The following UBE2M variants were observed in gnomAD, a reference collection of about 807,000 sequenced individuals.
UBE2M encodes the protein NEDD8-conjugating enzyme Ubc12.
Under a neutral mutation model 23.5 loss-of-function variants are expected in UBE2M, and 2 were observed. The ratio of observed to expected loss-of-function variants is 0.09; its 90% CI spans 0.03 to 0.27. The LOEUF (loss-of-function observed/expected upper bound fraction) is 0.27, where lower values mean the gene tolerates loss of function less well. UBE2M is among the 10% of genes least tolerant of loss of function. The pLI, the probability that UBE2M is intolerant of heterozygous loss-of-function variation, is 1.00. For missense variants in UBE2M, 103 were observed against 232.9 expected, an observed-to-expected ratio of 0.44 and a Z score of 3.63; for synonymous variants, 97 against 95.2, an observed-to-expected ratio of 1.02 and a Z score of -0.11.
In UBE2M at chr19:58,558,096, C is replaced by T. The variant is rs1279118120; in HGVS notation, c.109+177G>A. On this transcript the variant is annotated intron_variant, in intron 1 of 5. Coordinates refer to ENST00000253023, the MANE Select transcript of UBE2M (RefSeq NM_003969.4). This position sits in a 1 kb window ranked among gnomAD's most constrained non-coding sequence, Gnocchi z 4.7. Reference sequence around the variant, plus strand: ...CATACCGGGCCCCTATCTCTGACCCCCTCCCCGTGACTGCATGATCCCAAC... The same window carrying T: ...CATACCGGGCCCCTATCTCTGACCCTCTCCCCGTGACTGCATGATCCCAAC... Among the ~76,000 whole-genome samples the T allele has an allele frequency of 6.6e-6, 1 of 151,686 alleles. No individual in the cohort carries two copies. Among genetic ancestry groups the T allele is most frequent in the African/African-American group, 2.4e-5 (1 of 41,226 alleles).
chr19:58,557,926 C>G (rs541479921), intron 1 of UBE2M, among the ~76,000 whole-genome samples: 22 of 152,100 alleles, frequency 1.4e-4, no homozygotes, highest in Admixed American at 1.4e-3. Context: ...TACTATCCCT[C>G]TCTTCTCCGC....
Position 58,556,632 on chromosome 19 carries a change from G to A in UBE2M, c.347+55C>T. 1 of 1,441,856 alleles carries A rather than the reference G, an allele frequency of 6.9e-7. No individual in the cohort carries two copies. The highest frequency in any genetic ancestry group is 9.4e-7 in the Non-Finnish European group (1 of 1,068,214). The allele number at this position is 1,441,856 out of a possible 1,614,324, so 89.3% of individuals were successfully genotyped here. ...TCTGATGTAGTGCCCACAAGACCAT[G>A]AGGGAGGCCTGGCAGGCAGCGCTGA... is the stretch of plus-strand genomic sequence containing the variant. On this transcript the variant is annotated intron_variant, in intron 4 of 5. Coordinates refer to ENST00000253023, the MANE Select transcript of UBE2M (RefSeq NM_003969.4). The surrounding 1 kb of genome is among the most constrained non-coding windows in gnomAD (Gnocchi z 4.9).
chr19:58,556,479 G>A lies in UBE2M; in HGVS notation c.348-100C>T. ...TCAGATCCAGGGCATAGGAGAGTGA[G>A]CATGTGAGAGGCTGGGAGGGAGGGT... is the stretch of plus-strand genomic sequence containing the variant. On this transcript the variant is annotated intron_variant, in intron 4 of 5. Transcript: ENST00000253023. The surrounding 1 kb of genome is among the most constrained non-coding windows in gnomAD (Gnocchi z 4.9). 2.3e-6 allele frequency: 3 copies of A among 1,322,600 alleles called. No individual in the cohort carries two copies. Among genetic ancestry groups the A allele is most frequent in the Non-Finnish European group, 3.2e-6 (3 of 937,228 alleles). 81.9% of individuals were successfully genotyped at this position (1,322,600 alleles called of 1,614,324 possible).
Position 58,555,936 on chromosome 19 carries a change from A to G in UBE2M, c.*153T>C. On this transcript the variant is annotated 3_prime_UTR_variant, in exon 6 of 6. Coordinates refer to ENST00000253023, the MANE Select transcript of UBE2M (RefSeq NM_003969.4). ...ATCACATGGTGTTAAAAAAAAAAAA[A>G]TAACTAGGGGCACGTGGCAGGAAGG... The G allele has an allele frequency of 2.8e-6, 3 of 1,085,172 alleles. No homozygotes were observed. The South Asian group carries it at 5.0e-5, about 18-fold the overall frequency. 67.2% of individuals were successfully genotyped at this position (1,085,172 alleles called of 1,614,324 possible). A position where few individuals can be genotyped will look rare whatever the true frequency, so the allele number is the denominator to read the frequency against.
Position 58,558,085 on chromosome 19 carries a change from A to T in UBE2M, c.109+188T>A, listed in dbSNP as rs1189234849. Among the ~76,000 whole-genome samples the T allele has an allele frequency of 6.7e-6, 1 of 149,586 alleles. No homozygotes were observed. The highest frequency in any genetic ancestry group is 1.5e-5 in the Non-Finnish European group (1 of 67,292). ...CTAAACCACCACATACCGGGCCCCT[A>T]TCTCTGACCCCCTCCCCGTGACTGC... is the stretch of plus-strand genomic sequence containing the variant. On this transcript the variant is annotated intron_variant, in intron 1 of 5. Transcript: ENST00000253023. This position sits in a 1 kb window ranked among gnomAD's most constrained non-coding sequence, Gnocchi z 4.7.
At position 58,558,160 on chromosome 19, in the gene UBE2M, C is replaced by T. The variant is rs897785184; in HGVS notation, c.109+113G>A. On this transcript the variant is annotated intron_variant, in intron 1 of 5. Coordinates refer to ENST00000253023, the MANE Select transcript of UBE2M (RefSeq NM_003969.4). The surrounding 1 kb of genome is among the most constrained non-coding windows in gnomAD (Gnocchi z 4.7). ...CCTCCGACCCCCCCCACGCTCGGGG[C>T]CCTTCACCTCTGACCCTCAGCAACC... is the stretch of plus-strand genomic sequence containing the variant. The T allele has an allele frequency of 1.2e-6, 1 of 808,144 alleles. No homozygotes were observed. The highest frequency in any genetic ancestry group is 1.6e-5 in the South Asian group (1 of 60,864). The allele number at this position is 808,144 out of a possible 1,614,324, so 50.1% of individuals were successfully genotyped here.
rs531837188 is a variant in UBE2M, at chr19:58,557,713, C to G, written c.110-556G>C. On this transcript the variant is annotated intron_variant, in intron 1 of 5. Coordinates refer to ENST00000253023, the MANE Select transcript of UBE2M (RefSeq NM_003969.4). ...TTCACAGCACAATAGCCTAAATTTC[C>G]CCTCACCCCTGTCTCCAATCCCTGG... Among the ~76,000 whole-genome samples, 172 of 150,932 alleles carry G rather than the reference C, an allele frequency of 1.1e-3. 1 individual carries two copies. Among genetic ancestry groups the G allele is most frequent in the Middle Eastern group, 3.4e-3 (1 of 294 alleles).
rs1484604606 is a variant in UBE2M, at chr19:58,558,142, C to A, written c.109+131G>T. 7.5e-6 allele frequency: 5 copies of A among 668,646 alleles called. No homozygotes were observed. Among genetic ancestry groups the A allele is most frequent in the Non-Finnish European group, 1.2e-5 (5 of 416,568 alleles). The allele number at this position is 668,646 out of a possible 1,614,324, so 41.4% of individuals were successfully genotyped here. ...CCAACCCTCAAGACTTGACCTCCGA[C>A]CCCCCCCACGCTCGGGGCCCTTCAC... On this transcript the variant is annotated intron_variant, in intron 1 of 5. Coordinates refer to ENST00000253023, the MANE Select transcript of UBE2M (RefSeq NM_003969.4). The surrounding 1 kb of genome is among the most constrained non-coding windows in gnomAD (Gnocchi z 4.7).
Position 58,557,003 on chromosome 19 carries a change from C to T in UBE2M, c.204+60G>A, listed in dbSNP as rs973568347. 7 of 1,613,522 alleles carry T rather than the reference C, an allele frequency of 4.3e-6. No homozygotes were observed. The African/African-American group carries it at 9.3e-5, about 22-fold the overall frequency. On this transcript the variant is annotated intron_variant, in intron 2 of 5. Transcript: ENST00000253023. ...GGCCCGATGGGCAGAACATGTCTCC[C>T]TCCTCTCAGTGGGGACACCCTTGGT...
rs1246772438 is a variant in UBE2M, at chr19:58,558,028, C to T, written c.109+245G>A. On this transcript the variant is annotated intron_variant, in intron 1 of 5. Coordinates refer to ENST00000253023, the MANE Select transcript of UBE2M (RefSeq NM_003969.4). This position sits in a 1 kb window ranked among gnomAD's most constrained non-coding sequence, Gnocchi z 4.7. ...CTGCCTGACTCTGAGATTCCGAGTC[C>T]CTAGTAGCAGACACCAGGCCTTCCT... 2.6e-5 allele frequency among the ~76,000 whole-genome samples: 4 copies of T among 152,010 alleles called. No individual in the cohort carries two copies. Among genetic ancestry groups the T allele is most frequent in the Non-Finnish European group, 5.9e-5 (4 of 67,984 alleles).
chr19:58,557,656 G>A (rs532374711), intron 1 of UBE2M, among the ~76,000 whole-genome samples: 1 of 39,676 alleles, frequency 2.5e-5, no homozygotes, highest in South Asian at 7.6e-4. Context: ...CCCAACCCCC[G>A]CCACCCTACC....
In UBE2M at chr19:58,556,252, G is replaced by A. The variant is rs768316822; in HGVS notation, c.412-23C>T. 9.9e-6 allele frequency: 16 copies of A among 1,613,936 alleles called. No individual in the cohort carries two copies. Among genetic ancestry groups the A allele is most frequent in the African/African-American group, 1.3e-5 (1 of 75,042 alleles). On this transcript the variant is annotated intron_variant, in intron 5 of 5. Transcript: ENST00000253023. This position sits in a 1 kb window ranked among gnomAD's most constrained non-coding sequence, Gnocchi z 4.9. ...CTCCTGTGGCCAGTACAGGTAGGGG[G>A]GGTCAACAGGCCAGAGGGACAGAAG...
At chr19:58,557,292 C>G (rs1208353121) in intron 1 of UBE2M, 135 bp from the exon 2 acceptor site, 3 of 855,798 alleles carry the variant, frequency 3.5e-6, no homozygotes, top group Non-Finnish European at 5.8e-6. Flanking sequence ...CCAGGCGCCT[C>G]TCCTGGGCTG....
Position 58,555,885 on chromosome 19 carries a change from G to A in UBE2M, c.*204C>T. On this transcript the variant is annotated 3_prime_UTR_variant, in exon 6 of 6. Transcript: ENST00000253023. ...CCAATTCATTTCCCATCGCTGAGTG[G>A]GTCGGGGGAGGCAGCGCCGACCTTA... is the stretch of plus-strand genomic sequence containing the variant. 1 of 647,540 alleles carries A rather than the reference G, an allele frequency of 1.5e-6. No homozygotes were observed. The highest frequency in any genetic ancestry group is 2.0e-5 in the South Asian group (1 of 50,254). The allele number at this position is 647,540 out of a possible 1,614,324, so 40.1% of individuals were successfully genotyped here. A position where few individuals can be genotyped will look rare whatever the true frequency, so the allele number is the denominator to read the frequency against.
Position 58,556,302 on chromosome 19 carries a change from C to G in UBE2M, c.411+14G>C, listed in dbSNP as rs1369285864. 1.2e-6 allele frequency: 2 copies of G among 1,614,026 alleles called. No individual in the cohort carries two copies. The highest frequency in any genetic ancestry group is 2.2e-5 in the East Asian group (1 of 44,890). On this transcript the variant is annotated intron_variant, in intron 5 of 5. Transcript: ENST00000253023. This position sits in a 1 kb window ranked among gnomAD's most constrained non-coding sequence, Gnocchi z 4.9. ...GGCCAATCTCCCCAGACCCAACCACCTATTCCTACTCACCAAGAAGAGATA... is the reference window on the plus strand; with the variant it reads ...GGCCAATCTCCCCAGACCCAACCACGTATTCCTACTCACCAAGAAGAGATA...
At position 58,556,455 on chromosome 19, in the gene UBE2M, C is replaced by T; in HGVS notation, c.348-76G>A. On this transcript the variant is annotated intron_variant, in intron 4 of 5. Transcript: ENST00000253023. This position sits in a 1 kb window ranked among gnomAD's most constrained non-coding sequence, Gnocchi z 4.9. ...CAGGCCCCTCTGGTGTTGGGCAGGT[C>T]AGATCCAGGGCATAGGAGAGTGAGC... is the stretch of plus-strand genomic sequence containing the variant. 6.7e-7 allele frequency: 1 copy of T among 1,494,534 alleles called. No homozygotes were observed. Among genetic ancestry groups the T allele is most frequent in the Non-Finnish European group, 9.3e-7 (1 of 1,080,028 alleles). 92.6% of individuals were successfully genotyped at this position (1,494,534 alleles called of 1,614,324 possible). A position where few individuals can be genotyped will look rare whatever the true frequency, so the allele number is the denominator to read the frequency against.
At position 58,556,135 on chromosome 19, in the gene UBE2M, C is replaced by G. The variant is rs1478951147; in HGVS notation, c.506G>C (p.Arg169Pro). 1 of 1,613,520 alleles carries G rather than the reference C, an allele frequency of 6.2e-7. No individual in the cohort carries two copies. Among genetic ancestry groups the G allele is most frequent in the Non-Finnish European group, 8.5e-7 (1 of 1,179,902 alleles). ...GTAGGTGGAGCCGATGTAGCCACCCCGCATGGAGCGCTGCACGTTCTGCTC... is the reference window on the plus strand; with the variant it reads ...GTAGGTGGAGCCGATGTAGCCACCCGGCATGGAGCGCTGCACGTTCTGCTC... ...LFEQNVQRSM[R>P]GGYIGSTYFE... The change falls in exon 6 of 6, where the codon CGG becomes CCG. Residue 169 changes from arginine to proline, a missense_variant. Physicochemically the swap from Arg to Pro is moderately radical, Grantham distance 103. Transcript: ENST00000253023. This position sits in a 1 kb window ranked among gnomAD's most constrained non-coding sequence, Gnocchi z 4.9.
At position 58,556,472 on chromosome 19, in the gene UBE2M, A is replaced by G; in HGVS notation, c.348-93T>C. ...GGGCAGGTCAGATCCAGGGCATAGGAGAGTGAGCATGTGAGAGGCTGGGAG... is the reference window on the plus strand; with the variant it reads ...GGGCAGGTCAGATCCAGGGCATAGGGGAGTGAGCATGTGAGAGGCTGGGAG... On this transcript the variant is annotated intron_variant, in intron 4 of 5. Coordinates refer to ENST00000253023, the MANE Select transcript of UBE2M (RefSeq NM_003969.4). This position sits in a 1 kb window ranked among gnomAD's most constrained non-coding sequence, Gnocchi z 4.9. 1 of 1,392,148 alleles carries G rather than the reference A, an allele frequency of 7.2e-7. No individual in the cohort carries two copies. Among genetic ancestry groups the G allele is most frequent in the Non-Finnish European group, 1.0e-6 (1 of 995,186 alleles). The allele number at this position is 1,392,148 out of a possible 1,614,324, so 86.2% of individuals were successfully genotyped here. A position where few individuals can be genotyped will look rare whatever the true frequency, so the allele number is the denominator to read the frequency against.
chr19:58,556,298 C>T lies in UBE2M; in HGVS notation c.411+18G>A. On this transcript the variant is annotated intron_variant, in intron 5 of 5. Coordinates refer to ENST00000253023, the MANE Select transcript of UBE2M (RefSeq NM_003969.4). The surrounding 1 kb of genome is among the most constrained non-coding windows in gnomAD (Gnocchi z 4.9). ...AGAAGGCCAATCTCCCCAGACCCAA[C>T]CACCTATTCCTACTCACCAAGAAGA... The T allele has an allele frequency of 1.2e-6, 2 of 1,614,126 alleles. No individual in the cohort carries two copies. Among genetic ancestry groups the T allele is most frequent in the East Asian group, 2.2e-5 (1 of 44,882 alleles).
Sources: gnomAD v4.1 joint callset for allele counts (sites outside exome capture counted in the v4.1 genomes callset) on GRCh38, gnomAD v4.1.1 for gene constraint, Gnocchi (gnomAD v3.1) non-coding constraint, MANE v1.5 for transcripts, NCBI Gene and HGNC (gene_info 2026-07-23, HGNC 2026-07-21) for gene names.